Variants in PDE10A observed in about 807,000 individuals in gnomAD.
PDE10A encodes phosphodiesterase 10A.
In PDE10A, 39 loss-of-function variants were observed where a neutral mutation model predicts 97.7. The ratio of observed to expected loss-of-function variants is 0.40; its 90% CI spans 0.31 to 0.52. The LOEUF is 0.52. Ranked by LOEUF, PDE10A falls within the 20% of genes least tolerant of loss-of-function variation. The probability of loss-of-function intolerance (pLI) is 0.56; values close to 1 mark genes in which losing one functional copy is unlikely to be tolerated. For synonymous variants in PDE10A, 371 were observed against 376.8 expected (o/e 0.98, Z 0.18); for missense variants, 731 against 1,047.8 (o/e 0.70, Z 4.17).
chr6:165,480,365 A>G (rs1779533307), intron 3 of PDE10A, among the ~76,000 whole-genome samples: 1 of 152,130 alleles, frequency 6.6e-6, no homozygotes, highest in African/African-American at 2.4e-5. Context: ...AGGTAGGAAG[A>G]TCACTTGAGC....
intron 2 of PDE10A, among the ~76,000 whole-genome samples, chr6:165,519,773 C>T (rs1782025086): frequency 6.6e-6 from 1 of 152,112 alleles, no homozygotes; most frequent in African/African-American, 2.4e-5. Context: ...GTTTAATATA[C>T]ATATTTATAT....
rs978391349 is a variant in PDE10A, at chr6:165,327,291, T to C, written c.*5734A>G. 3.3e-5 allele frequency: 5 copies of C among 152,208 alleles called. No homozygotes were observed. Among genetic ancestry groups the C allele is most frequent in the Non-Finnish European group, 5.9e-5 (4 of 68,036 alleles). The allele number at this position is 152,208 out of a possible 1,614,324, so 9.4% of individuals were successfully genotyped here. On this transcript the variant is annotated 3_prime_UTR_variant, in exon 22 of 22. Transcript: ENST00000539869. ...GAGCAAGTGATATACGTGAAAGATA[T>C]TTTAAAAACTCTGTATTCAATTATT...
chr6:165,867,153 G>C (rs1016417374), intron 1 of PDE10A, among the ~76,000 whole-genome samples: 4 of 151,184 alleles, frequency 2.6e-5, no homozygotes, highest in African/African-American at 9.7e-5. Context: ...GAAAGTGTAG[G>C]AGTAAGTTCC....
intron 1 of PDE10A, among the ~76,000 whole-genome samples, chr6:165,544,336 T>C (rs1464737027): frequency 2.6e-5 from 4 of 152,184 alleles, no homozygotes; most frequent in Non-Finnish European, 5.9e-5. Flanking sequence ...CATAGTCCAA[T>C]GATAAGTACT....
At chr6:165,508,945 A>G (rs1445049439) in intron 2 of PDE10A, among the ~76,000 whole-genome samples, 1 of 152,036 alleles carries the variant, frequency 6.6e-6, no homozygotes, top group Non-Finnish European at 1.5e-5. Context: ...CTGCACCTAC[A>G]GAGAGCTCAG....
At chr6:165,713,077 A>G (rs1257823297) in intron 1 of PDE10A, among the ~76,000 whole-genome samples, 1 of 152,210 alleles carries the variant, frequency 6.6e-6, no homozygotes, top group Non-Finnish European at 1.5e-5. Context: ...TGGTCATTAC[A>G]AAGAGAGAGT....
At chr6:165,361,845 C>T (rs989060218) in intron 18 of PDE10A, among the ~76,000 whole-genome samples, 3 of 152,108 alleles carry the variant, frequency 2.0e-5, no homozygotes, top group African/African-American at 7.2e-5. Context: ...GACTTCTGGC[C>T]TTAAGAATTG....
intron 1 of PDE10A, among the ~76,000 whole-genome samples, chr6:165,621,119 G>C (rs1376422205): frequency 1.3e-5 from 2 of 151,596 alleles, no homozygotes; most frequent in African/African-American, 4.8e-5. Flanking sequence ...GTATTGTCCT[G>C]AGTATTTGAA....
rs1788988303 is a variant in PDE10A, at chr6:165,638,622, A to C, written c.865+23325T>G. On this transcript the variant is annotated intron_variant, in intron 1 of 21. Transcript: ENST00000539869. ...ACACAGATAAATGCAAAGAAAATAA[A>C]ATTTTAAAAAAGGATATACTATGAA... is the stretch of plus-strand genomic sequence containing the variant. Among the ~76,000 whole-genome samples the C allele has an allele frequency of 3.3e-5, 5 of 152,326 alleles. No homozygotes were observed. The South Asian group carries it at 8.3e-4, about 25-fold the overall frequency.
intron 1 of PDE10A, among the ~76,000 whole-genome samples, chr6:165,847,539 G>A (rs940400998): frequency 2.0e-5 from 3 of 152,242 alleles, no homozygotes; most frequent in African/African-American, 7.2e-5. Context: ...CGAACATGCA[G>A]GGAGGTAACC....
At chr6:165,471,163 G>A (rs1428764848) in intron 3 of PDE10A, among the ~76,000 whole-genome samples, 1 of 152,024 alleles carries the variant, frequency 6.6e-6, no homozygotes, top group Non-Finnish European at 1.5e-5. Flanking sequence ...AGCACCATTT[G>A]ACATAGTTGA....
At chr6:165,389,877 T>C (rs1210555548) in intron 16 of PDE10A, among the ~76,000 whole-genome samples, 4 of 152,142 alleles carry the variant, frequency 2.6e-5, no homozygotes, top group African/African-American at 9.7e-5. Context: ...AATTAAATAC[T>C]TGATAAAAAT....
At chr6:165,938,730 C>T (rs1783418899) in intron 1 of PDE10A, among the ~76,000 whole-genome samples, 1 of 151,734 alleles carries the variant, frequency 6.6e-6, no homozygotes, top group South Asian at 2.1e-4. Flanking sequence ...CAGTGAGCAA[C>T]AACATCAAAA....
chr6:165,663,364 C>T (rs988974325), upstream of PDE10A, among the ~76,000 whole-genome samples: 15 of 152,200 alleles, frequency 9.9e-5, no homozygotes, highest in African/African-American at 3.6e-4. Flanking sequence ...TGTGCGCCGC[C>T]TGCACCCGGG....
intron 18 of PDE10A, among the ~76,000 whole-genome samples, chr6:165,359,750 T>G (rs1562381049): frequency 6.6e-6 from 1 of 152,198 alleles, no homozygotes. Flanking sequence ...AAGGGCCAGA[T>G]AGTAAATACT....
At position 165,771,331 on chromosome 6, in the gene PDE10A, T is replaced by A. The variant is rs149185977; in HGVS notation, c.-615+216198A>T. ...CACCTAATGACACAGGGTATCAACC[T>A]CTCAACCACACAGAGACACTGCCCT... is the stretch of plus-strand genomic sequence containing the variant. On this transcript the variant is annotated intron_variant, in intron 1 of 19. Coordinates refer to the PDE10A transcript ENST00000366882. Among the ~76,000 whole-genome samples the A allele has an allele frequency of 2.0e-3, 310 of 152,244 alleles. 4 individuals are homozygous for A. Among genetic ancestry groups the A allele is most frequent in the African/African-American group, 6.9e-3 (288 of 41,536 alleles).
chr6:165,770,317 AAAAG>A (rs1359923835), intron 1 of PDE10A, among the ~76,000 whole-genome samples: 2 of 152,196 alleles, frequency 1.3e-5, no homozygotes, highest in Admixed American at 6.5e-5. Context: ...TTTTTAAAAA[AAAAG>A]AAAGAAAGAA....
chr6:165,346,517 T>G (rs1782319750), intron 18 of PDE10A, among the ~76,000 whole-genome samples: 2 of 152,148 alleles, frequency 1.3e-5, no homozygotes, highest in African/African-American at 4.8e-5. Flanking sequence ...TATTCCAACC[T>G]CAAAGAGGCG....
Position 165,662,802 on chromosome 6 carries a change from G to C in PDE10A, c.10C>G (p.Leu4Val), listed in dbSNP as rs1315558117. Among the ~76,000 whole-genome samples the C allele has an allele frequency of 6.7e-6, 1 of 150,006 alleles. No individual in the cohort carries two copies. The highest frequency in any genetic ancestry group is 2.0e-4 in the East Asian group (1 of 4,976). MAS[L>V]EEPLAPRPQG... The stretch of plus-strand genomic sequence containing the variant: ...GGGCGGGGAGCAAGAGGCTCCTCGA[G>C]GCTGGCCATGGTTCCTCCCCGGGCC... The change falls in exon 1 of 22, where the codon CTC (leucine) becomes GTC (valine). Residue 4 changes from leucine (L) to valine (V), a missense_variant. Leu to Val is a conservative substitution (Grantham distance 32). This residue lies in a region of PDE10A where 181 missense variants were observed against 159.1 expected (regional missense o/e 1.14). Coordinates refer to ENST00000539869, the MANE Select transcript of PDE10A (RefSeq NM_001385079.1).
Sources: gnomAD v4.1 joint callset for allele counts (sites outside exome capture counted in the v4.1 genomes callset) on GRCh38, gnomAD v4.1.1 for gene constraint, gnomAD v4.1.1 regional missense constraint, MANE v1.5 for transcripts, NCBI Gene and HGNC (gene_info 2026-07-23, HGNC 2026-07-21) for gene names.